The following HCN1 variants were observed in gnomAD, a reference collection of about 807,000 sequenced individuals.
The protein encoded by HCN1 is potassium/sodium hyperpolarization-activated cyclic nucleotide-gated channel 1.
HCN1 carries 13 observed loss-of-function variants against 78.9 expected under a neutral mutation model. The ratio of observed to expected loss-of-function variants is 0.16; its 90% CI spans 0.11 to 0.26. HCN1 has a LOEUF of 0.26. HCN1 is among the 10% of genes least tolerant of loss of function. The pLI is 1.00. For missense variants in HCN1, 810 were observed against 1,154.3 expected (o/e 0.70, Z 4.32); for synonymous variants, 552 against 455.5 (o/e 1.21, Z -2.70).
At position 45,259,779 on chromosome 5, in the gene HCN1, T is replaced by C. The variant is rs1744692738; in HGVS notation, c.*2142A>G. 6.6e-6 allele frequency: 1 copy of C among 152,442 alleles called. No homozygotes were observed. The highest frequency in any genetic ancestry group is 2.4e-5 in the African/African-American group (1 of 41,422). The allele number at this position is 152,442 out of a possible 1,614,324, so 9.4% of individuals were successfully genotyped here. The stretch of plus-strand genomic sequence containing the variant: ...TTCACTACCAAATCCATTAATCCTA[T>C]CAAATGTAAACCTTTAATAATTTAA... On this transcript the variant is annotated 3_prime_UTR_variant, in exon 8 of 8. Coordinates refer to ENST00000303230, the MANE Select transcript of HCN1 (RefSeq NM_021072.4).
rs140186173 is a variant in HCN1 at position 45,262,035 on chromosome 5, G to T, written c.2559C>A (p.Asn853Lys). The T allele has an allele frequency of 2.7e-5, 44 of 1,613,940 alleles. No individual in the cohort carries two copies. Among genetic ancestry groups the T allele is most frequent in the Non-Finnish European group, 3.6e-5 (42 of 1,180,030 alleles). ...RQMSSGAIPP[N>K]RGVPPAPPPP... ...GAGGGGGTGCTGGAGGGACTCCTCGGTTCGGGGGGATGGCTCCCGACGACA... is the reference window on the plus strand; with the variant it reads ...GAGGGGGTGCTGGAGGGACTCCTCGTTTCGGGGGGATGGCTCCCGACGACA... The change falls in exon 8 of 8, where the codon AAC becomes AAA. Residue 853 changes from asparagine to lysine, a missense_variant. Transcript: ENST00000303230.
At chr5:45,644,708 G>C (rs929067482) in intron 2 of HCN1, 3 of 155,820 alleles carry the variant, frequency 1.9e-5, no homozygotes, top group African/African-American at 7.2e-5. Context: ...ATACAATTTG[G>C]AAATAAAGAA....
chr5:45,306,890 A>T (rs1745745834), intron 5 of HCN1, among the ~76,000 whole-genome samples: 1 of 152,122 alleles, frequency 6.6e-6, no homozygotes, highest in South Asian at 2.1e-4. Flanking sequence ...TCCTGACCTT[A>T]GTAATAAGTT....
chr5:45,580,466 T>G (rs1220333598), intron 2 of HCN1, among the ~76,000 whole-genome samples: 1 of 152,082 alleles, frequency 6.6e-6, no homozygotes, highest in Admixed American at 6.6e-5. Context: ...CCTACCTACA[T>G]CTTGATTTAA....
chr5:45,584,590 T>C (rs1039448288), intron 2 of HCN1, among the ~76,000 whole-genome samples: 1 of 152,186 alleles, frequency 6.6e-6, no homozygotes, highest in African/African-American at 2.4e-5. Context: ...AGCTGGTTAT[T>C]TTGCTCCTTA....
chr5:45,271,451 T>C (rs561466846), intron 6 of HCN1, among the ~76,000 whole-genome samples: 99 of 151,824 alleles, frequency 6.5e-4, no homozygotes, highest in Non-Finnish European at 1.2e-3. Flanking sequence ...GGTATAGTAT[T>C]GGCCTGGGGA....
intron 2 of HCN1, among the ~76,000 whole-genome samples, chr5:45,533,866 T>C (rs970260680): frequency 6.6e-6 from 1 of 152,164 alleles, no homozygotes; most frequent in Non-Finnish European, 1.5e-5. Context: ...CAAAGAGACC[T>C]GACAATAGGG....
intron 5 of HCN1, among the ~76,000 whole-genome samples, chr5:45,349,058 A>C (rs1334084335): frequency 6.6e-6 from 1 of 152,222 alleles, no homozygotes; most frequent in East Asian, 1.9e-4. Context: ...ACCCCAAATC[A>C]ATAGAATATA....
At chr5:45,648,659 T>G (rs1745619506) in intron 1 of HCN1, among the ~76,000 whole-genome samples, 1 of 151,992 alleles carries the variant, frequency 6.6e-6, no homozygotes, top group Non-Finnish European at 1.5e-5. Context: ...TGCCCATGAG[T>G]CTTTCTTTCT....
intron 2 of HCN1, among the ~76,000 whole-genome samples, chr5:45,619,348 T>C (rs998342509): frequency 6.6e-6 from 1 of 151,966 alleles, no homozygotes; most frequent in Admixed American, 6.6e-5. Flanking sequence ...CCTAGAAAAA[T>C]TGCAGATTCA....
At chr5:45,654,478 C>G (rs1280632274) in intron 1 of HCN1, among the ~76,000 whole-genome samples, 1 of 152,092 alleles carries the variant, frequency 6.6e-6, no homozygotes, top group African/African-American at 2.4e-5. Flanking sequence ...GCTTCTAACT[C>G]TTGACAATTT....
chr5:45,383,891 A>G (rs961194535), intron 4 of HCN1, among the ~76,000 whole-genome samples: 2 of 152,162 alleles, frequency 1.3e-5, no homozygotes, highest in African/African-American at 2.4e-5. Flanking sequence ...CCAAGTTAGT[A>G]ATTCCACATC....
At chr5:45,432,094 G>A (rs1260300701) in intron 3 of HCN1, among the ~76,000 whole-genome samples, 2 of 151,998 alleles carry the variant, frequency 1.3e-5, no homozygotes, top group Non-Finnish European at 2.9e-5. Flanking sequence ...ATTTGTCGCT[G>A]TCATCTCTGA....
intron 1 of HCN1, among the ~76,000 whole-genome samples, chr5:45,682,472 C>A (rs1424417029): frequency 6.6e-6 from 1 of 151,290 alleles, no homozygotes; most frequent in African/African-American, 2.4e-5. Context: ...TTATAGGGCA[C>A]ATAGGGAAAA....
intron 3 of HCN1, among the ~76,000 whole-genome samples, chr5:45,408,323 C>T (rs765745122): frequency 2.0e-5 from 3 of 152,118 alleles, no homozygotes; most frequent in East Asian, 1.9e-4. Context: ...GCTCTATTCA[C>T]GATGTACCAT....
chr5:45,648,701 C>A (rs181945731), intron 1 of HCN1, among the ~76,000 whole-genome samples: 10 of 152,142 alleles, frequency 6.6e-5, no homozygotes, highest in Non-Finnish European at 1.3e-4. Context: ...CTCTTAGATA[C>A]CCAAGCTCCT....
chr5:45,488,285 G>T (rs1400140780), intron 2 of HCN1, among the ~76,000 whole-genome samples: 2 of 152,010 alleles, frequency 1.3e-5, no homozygotes, highest in African/African-American at 4.8e-5. Context: ...TTTTGATTAT[G>T]CTTATTTCTG....
chr5:45,296,050 C>T (rs1745486001), intron 6 of HCN1, among the ~76,000 whole-genome samples: 1 of 151,928 alleles, frequency 6.6e-6, no homozygotes, highest in African/African-American at 2.4e-5. Context: ...GCTTCTGGTA[C>T]CCTTGAGGTC....
intron 2 of HCN1, among the ~76,000 whole-genome samples, chr5:45,515,030 G>GT (rs1195465556): frequency 6.6e-6 from 1 of 151,604 alleles, no homozygotes; most frequent in African/African-American, 2.4e-5. Flanking sequence ...TAATTATTAT[G>GT]ATAATTTAGA....
Sources: gnomAD v4.1 joint callset for allele counts (sites outside exome capture counted in the v4.1 genomes callset) on GRCh38, gnomAD v4.1.1 for gene constraint, MANE v1.5 for transcripts, NCBI Gene and HGNC (gene_info 2026-07-23, HGNC 2026-07-21) for gene names.